Variants in PGM1 observed in about 807,000 individuals in gnomAD.
PGM1 encodes phosphoglucomutase 1.
In PGM1, 52 loss-of-function variants were observed where a neutral mutation model predicts 55.6. That is an observed-to-expected ratio of 0.94 (90% CI 0.75 to 1.18). PGM1 has a LOEUF of 1.18. Among genes scored for constraint, PGM1 ranks in the 50% most tolerant of loss-of-function variants. PGM1 has a pLI of 0.00. For missense variants in PGM1, 724 were observed against 729.3 expected (o/e 0.99, Z 0.08); for synonymous variants, 287 against 271.7 (o/e 1.06, Z -0.55).
chr1:63,603,803 C>T (rs896610233), intron 1 of PGM1, among the ~76,000 whole-genome samples: 2 of 152,172 alleles, frequency 1.3e-5, no homozygotes, highest in South Asian at 2.1e-4. Context: ...TTGAGAAGCA[C>T]GTGGGGACTA....
At chr1:63,613,136 A>G (rs1648611866) in intron 1 of PGM1, among the ~76,000 whole-genome samples, 1 of 152,040 alleles carries the variant, frequency 6.6e-6, no homozygotes, top group South Asian at 2.1e-4. Flanking sequence ...ACTTAATGCT[A>G]GAAACCAAAC....
intron 6 of PGM1, 69 bp downstream of exon 6, chr1:63,636,457 GC>G (rs1297246736): frequency 3.4e-6 from 5 of 1,457,540 alleles, no homozygotes; most frequent in African/African-American, 1.4e-5. Flanking sequence ...CCTTCACTGT[GC>G]CTGGAACACG....
intron 9 of PGM1, 111 bp downstream of exon 9, chr1:63,651,963 T>G: frequency 2.0e-6 from 2 of 1,021,222 alleles, no homozygotes; most frequent in South Asian, 1.3e-5. Context: ...TGCTGCTGTG[T>G]TTTTCTAGGG....
chr1:63,618,155 A>G (rs1043431232), intron 1 of PGM1, among the ~76,000 whole-genome samples: 7 of 152,238 alleles, frequency 4.6e-5, no homozygotes, highest in African/African-American at 1.7e-4. Flanking sequence ...AGATGAGGAA[A>G]TGGAAGCACA....
At chr1:63,652,837 G>A (rs1649845468) in intron 9 of PGM1, among the ~76,000 whole-genome samples, 1 of 152,152 alleles carries the variant, frequency 6.6e-6, no homozygotes, top group African/African-American at 2.4e-5. Context: ...TCTAGCACAA[G>A]TGGTTTCTCA....
chr1:63,639,032 T>C (rs1370756627), intron 7 of PGM1, among the ~76,000 whole-genome samples: 2 of 152,080 alleles, frequency 1.3e-5, no homozygotes, highest in Non-Finnish European at 1.5e-5. Context: ...AGACAGGAAG[T>C]TGGGGGGCCT....
intron 10 of PGM1, 140 bp from the exon 11 acceptor site, chr1:63,659,446 T>A (rs771176263): frequency 6.9e-6 from 5 of 723,624 alleles, no homozygotes; most frequent in Non-Finnish European, 1.0e-5. Flanking sequence ...TTGGGGGAAA[T>A]AACATGTGTT....
At chr1:63,637,828 A>T (rs1231025952) in intron 6 of PGM1, among the ~76,000 whole-genome samples, 1 of 152,244 alleles carries the variant, frequency 6.6e-6, no homozygotes, top group African/African-American at 2.4e-5. Context: ...CATTACCCAG[A>T]TAAAAGTTTA....
intron 1 of PGM1, chr1:63,594,017 C>T: frequency 8.9e-7 from 1 of 1,126,032 alleles, no homozygotes; most frequent in Non-Finnish European, 1.1e-6. Context: ...GCCCGACTCT[C>T]CGTCTCTAGC....
intron 7 of PGM1, among the ~76,000 whole-genome samples, chr1:63,642,623 G>A (rs1449248536): frequency 6.6e-6 from 1 of 152,150 alleles, no homozygotes; most frequent in Non-Finnish European, 1.5e-5. Context: ...AAAATAGGGG[G>A]CTTGGGAAAG....
intron 1 of PGM1, among the ~76,000 whole-genome samples, chr1:63,606,443 G>A (rs74078292): frequency 0.022 from 3,396 of 152,250 alleles, 116 homozygotes; most frequent in African/African-American, 0.078. Flanking sequence ...AGGGACCCAT[G>A]CCCCTTTTCT....
intron 7 of PGM1, 52 bp downstream of exon 7, chr1:63,638,852 G>C: frequency 1.6e-6 from 2 of 1,283,058 alleles, no homozygotes; most frequent in Non-Finnish European, 2.3e-6. Flanking sequence ...ACTATTTCCA[G>C]TAAAAGCTTA....
chr1:63,647,259 C>CACATAT (rs1649673294), intron 7 of PGM1, among the ~76,000 whole-genome samples: 1 of 55,446 alleles, frequency 1.8e-5, no homozygotes, highest in Non-Finnish European at 3.4e-5. Flanking sequence ...TAAAATTTTA[C>CACATAT]ATATATATAT....
At chr1:63,636,583 C>G (rs1199364546) in intron 6 of PGM1, among the ~76,000 whole-genome samples, 195 bp downstream of exon 6, 1 of 152,148 alleles carries the variant, frequency 6.6e-6, no homozygotes, top group Non-Finnish European at 1.5e-5. Flanking sequence ...TCCCTTGGCA[C>G]CCTGGGCCTC....
chr1:63,626,546 GAAT>G (rs1649022231), intron 1 of PGM1, among the ~76,000 whole-genome samples: 2 of 151,610 alleles, frequency 1.3e-5, no homozygotes, highest in Non-Finnish European at 2.9e-5. Context: ...GAATGTGTCA[GAAT>G]TTTATTCCCT....
At chr1:63,617,836 C>G (rs902059071) in intron 1 of PGM1, among the ~76,000 whole-genome samples, 2 of 148,638 alleles carry the variant, frequency 1.3e-5, no homozygotes, top group Non-Finnish European at 3.0e-5. Context: ...TCTCTCTCTG[C>G]TGACCCATTT....
intron 5 of PGM1, among the ~76,000 whole-genome samples, chr1:63,635,486 A>G (rs1649339081): frequency 6.6e-6 from 1 of 152,196 alleles, no homozygotes; most frequent in Non-Finnish European, 1.5e-5. Context: ...CATTTTAATC[A>G]TTCTCTACCA....
At chr1:63,634,804 T>C in intron 4 of PGM1, 25 bp from the exon 5 acceptor site, 1 of 1,594,734 alleles carries the variant, frequency 6.3e-7, no homozygotes, top group Non-Finnish European at 8.6e-7. Flanking sequence ...TGATTCTGCA[T>C]ACATTTATTC....
At chr1:63,598,425 G>C (rs1408494378) in intron 1 of PGM1, among the ~76,000 whole-genome samples, 1 of 152,152 alleles carries the variant, frequency 6.6e-6, no homozygotes, top group African/African-American at 2.4e-5. Context: ...AAGATTTGTG[G>C]AGGATTTAAT....
Sources: gnomAD v4.1 joint callset for allele counts (sites outside exome capture counted in the v4.1 genomes callset) on GRCh38, gnomAD v4.1.1 for gene constraint, MANE v1.5 for transcripts, NCBI Gene and HGNC (gene_info 2026-07-23, HGNC 2026-07-21) for gene names.